USP28: variants seen among roughly 807,000 people sequenced by gnomAD.
USP28 encodes ubiquitin specific peptidase 28, also known as ubiquitin carboxyl-terminal hydrolase 28.
USP28 carries 113 observed loss-of-function variants against 145.0 expected under a neutral mutation model. The ratio of observed to expected loss-of-function variants is 0.78; its 90% CI spans 0.67 to 0.91. The LOEUF (loss-of-function observed/expected upper bound fraction) is 0.91, where lower values mean the gene tolerates loss of function less well. USP28 is among the 40% of genes least tolerant of loss of function. USP28 has a pLI of 0.00. For synonymous variants in USP28, 447 were observed against 450.9 expected, an observed-to-expected ratio of 0.99 and a Z score of 0.11; for missense variants, 1,201 against 1,289.6, an observed-to-expected ratio of 0.93 and a Z score of 1.05.
chr11:113,800,609 T>C (rs1285802082), intron 24 of USP28, among the ~76,000 whole-genome samples: 1 of 152,136 alleles, frequency 6.6e-6, no homozygotes, highest in Admixed American at 6.5e-5. Flanking sequence ...AGAGTATCTC[T>C]ATGTCAGTGA....
At chr11:113,819,878 C>G (rs553417981) in intron 12 of USP28, among the ~76,000 whole-genome samples, 3 of 152,314 alleles carry the variant, frequency 2.0e-5, no homozygotes, top group Admixed American at 2.0e-4. Flanking sequence ...CGCCACCACG[C>G]TCGGCTAATT....
intron 5 of USP28, chr11:113,835,462 C>T (rs2136045059): frequency 4.9e-6 from 2 of 405,414 alleles, no homozygotes; most frequent in East Asian, 1.4e-4. Context: ...CCCACGTGCA[C>T]CTCTCTGGCT....
chr11:113,857,486 T>G (rs1008975838), intron 1 of USP28, among the ~76,000 whole-genome samples: 1 of 152,224 alleles, frequency 6.6e-6, no homozygotes, highest in Non-Finnish European at 1.5e-5. Flanking sequence ...TGAATCACAG[T>G]GTAAATTTTT....
At chr11:113,861,859 C>T (rs1284049061) in intron 1 of USP28, among the ~76,000 whole-genome samples, 1 of 152,098 alleles carries the variant, frequency 6.6e-6, no homozygotes, top group Non-Finnish European at 1.5e-5. Flanking sequence ...ACAAACATAT[C>T]GAACACATCT....
At chr11:113,854,438 C>A (rs1311594387) in intron 1 of USP28, 103 bp from the exon 2 acceptor site, 9 of 1,100,044 alleles carry the variant, frequency 8.2e-6, no homozygotes, top group Non-Finnish European at 1.2e-5. Flanking sequence ...AGGCCTGAGG[C>A]TTGCCCAGGC....
chr11:113,862,272 A>G (rs1394188052), intron 1 of USP28, among the ~76,000 whole-genome samples: 1 of 152,170 alleles, frequency 6.6e-6, no homozygotes, highest in East Asian at 1.9e-4. Context: ...GCTTGAACCC[A>G]GGAGGCGGAG....
intron 3 of USP28, 43 bp downstream of exon 3, chr11:113,852,458 T>C (rs1389146909): frequency 6.2e-7 from 1 of 1,610,100 alleles, no homozygotes; most frequent in South Asian, 1.1e-5. Flanking sequence ...TGTTATTTTC[T>C]GCTAGTTCAG....
chr11:113,841,978 C>CA (rs1345213759), intron 3 of USP28, among the ~76,000 whole-genome samples: 2 of 152,108 alleles, frequency 1.3e-5, no homozygotes, highest in African/African-American at 4.8e-5. Flanking sequence ...TAACAAGCTG[C>CA]AAAAATCAAA....
chr11:113,804,847 A>C (rs771104321), intron 20 of USP28, 21 bp downstream of exon 21: 27 of 1,611,930 alleles, frequency 1.7e-5, no homozygotes, highest in African/African-American at 1.4e-5. Flanking sequence ...CAAGGGATTC[A>C]CCTGAATATT....
At chr11:113,810,212 G>T (rs190844528) in intron 16 of USP28, among the ~76,000 whole-genome samples, 1 of 152,280 alleles carries the variant, frequency 6.6e-6, no homozygotes, top group African/African-American at 2.4e-5. Context: ...AAAAAGGTTA[G>T]AGATGAATTT....
At chr11:113,851,034 T>C (rs1946390528) in intron 3 of USP28, among the ~76,000 whole-genome samples, 1 of 152,208 alleles carries the variant, frequency 6.6e-6, no homozygotes, top group South Asian at 2.1e-4. Context: ...AAAAAATTTT[T>C]GAGTCACCTT....
chr11:113,807,486 A>C (rs760058681), intron 18 of USP28, among the ~76,000 whole-genome samples: 1 of 152,210 alleles, frequency 6.6e-6, no homozygotes, highest in Non-Finnish European at 1.5e-5. Flanking sequence ...CAGACAACAA[A>C]CAACTTGGGG....
At chr11:113,858,870 A>G (rs1947348269) in intron 1 of USP28, among the ~76,000 whole-genome samples, 1 of 152,098 alleles carries the variant, frequency 6.6e-6, no homozygotes, top group Admixed American at 6.5e-5. Flanking sequence ...CGGCCTCCCA[A>G]AGTGTTGGGA....
intron 19 of USP28, among the ~76,000 whole-genome samples, chr11:113,805,500 C>T (rs1652641033): frequency 6.6e-6 from 1 of 152,152 alleles, no homozygotes; most frequent in African/African-American, 2.4e-5. Context: ...AAGCAATCCA[C>T]CCACTTTGGC....
chr11:113,809,235 T>G (rs1171533602), exon 17 of USP28: 1 of 1,614,008 alleles, frequency 6.2e-7, no homozygotes, highest in Non-Finnish European at 8.5e-7. Context: ...ACATTTGATC[T>G]GATTCAGTTG....
At chr11:113,829,210 T>G (rs778136380) in exon 10 of USP28, 7 of 1,614,030 alleles carry the variant, frequency 4.3e-6, no homozygotes, top group Non-Finnish European at 5.9e-6. Context: ...TTGTCCATAC[T>G]TCACCGAGTG....
intron 4 of USP28, 71 bp from the exon 5 acceptor site, chr11:113,840,828 T>C (rs1376683451): frequency 1.3e-5 from 19 of 1,513,524 alleles, no homozygotes; most frequent in South Asian, 1.1e-4. Context: ...TGGAGGATGC[T>C]ATAACTTTTC....
exon 10 of USP28, chr11:113,829,256 T>C: frequency 2.5e-6 from 4 of 1,614,114 alleles, no homozygotes; most frequent in South Asian, 1.1e-5. Flanking sequence ...CCCTCCACCA[T>C]GGCCCCTTCC....
intron 5 of USP28, among the ~76,000 whole-genome samples, chr11:113,836,397 A>G (rs1427439905): frequency 2.6e-5 from 4 of 152,090 alleles, no homozygotes; most frequent in African/African-American, 9.7e-5. Context: ...TCACTTGCAC[A>G]TGGTCTCTCT....
Sources: gnomAD v4.1 joint callset for allele counts (sites outside exome capture counted in the v4.1 genomes callset) on GRCh38, gnomAD v4.1.1 for gene constraint, MANE v1.5 for transcripts, NCBI Gene and HGNC (gene_info 2026-07-23, HGNC 2026-07-21) for gene names.